Variants in VPS13C observed in about 807,000 individuals in gnomAD.
The protein encoded by VPS13C is intermembrane lipid transfer protein VPS13C.
A neutral mutation model predicts 456.8 loss-of-function variants in VPS13C; 358 were observed. That is an observed-to-expected ratio of 0.78 (90% confidence interval 0.72 to 0.86). VPS13C has a LOEUF of 0.86. VPS13C is among the 40% of genes least tolerant of loss of function. The pLI is 0.00. For missense variants in VPS13C, 4,818 were observed against 4,385.4 expected (o/e 1.10, Z -2.79); for synonymous variants, 1,578 against 1,486.7 (o/e 1.06, Z -1.41).
chr15:62,002,281 AT>A (rs1468049092), intron 15 of VPS13C, among the ~76,000 whole-genome samples: 1 of 152,070 alleles, frequency 6.6e-6, no homozygotes, highest in Non-Finnish European at 1.5e-5. Flanking sequence ...GATGGTGAGC[AT>A]TTTTTCATGT....
intron 69 of VPS13C, 35 bp downstream of exon 69, chr15:61,882,561 G>A (rs1184075183): frequency 2.1e-6 from 3 of 1,455,092 alleles, no homozygotes; most frequent in Middle Eastern, 2.1e-4. Context: ...TTCCCAAAGT[G>A]ATGATAAATA....
rs1198684597 is a variant in VPS13C at position 61,949,528 on chromosome 15, A to G, written c.4674T>C (p.Ala1558=). 1.9e-6 allele frequency: 3 copies of G among 1,613,590 alleles called. No individual in the cohort carries two copies. Among genetic ancestry groups the G allele is most frequent in the South Asian group, 1.1e-5 (1 of 90,890 alleles). ...LSFMDFLSSA[A]PFSEPSSSEK... ...CAGAAGAGGAAGGCTCAGAGAATGG[A>G]GCAGCAGATGATAAAAAATCCATGA... The change falls in exon 42 of 85, where the codon GCT becomes GCC. Residue 1558 remains alanine (A), a synonymous_variant. Transcript: ENST00000644861.
intron 1 of VPS13C, among the ~76,000 whole-genome samples, chr15:62,050,216 C>T (rs984641049): frequency 3.3e-5 from 5 of 152,294 alleles, no homozygotes; most frequent in African/African-American, 1.2e-4. Context: ...CTTAACTCTG[C>T]CAGCAAGGAA....
intron 1 of VPS13C, 133 bp downstream of exon 1, chr15:62,060,142 T>C (rs1043380963): frequency 2.2e-6 from 1 of 453,858 alleles, no homozygotes; most frequent in Non-Finnish European, 4.0e-6. Context: ...GGCTCCCGCA[T>C]CTAGCACCTG....
At chr15:61,868,623 T>G (rs750713996) in intron 81 of VPS13C, 36 bp downstream of exon 81, 1 of 1,579,120 alleles carries the variant, frequency 6.3e-7, no homozygotes, top group Non-Finnish European at 8.7e-7. Flanking sequence ...TCATTAAAAT[T>G]CCATTTCACT....
chr15:61,931,925 T>G (rs2044073162), intron 49 of VPS13C, among the ~76,000 whole-genome samples: 1 of 152,060 alleles, frequency 6.6e-6, no homozygotes, highest in Admixed American at 6.6e-5. Flanking sequence ...AAAACAGTGA[T>G]AAGATTTATG....
chr15:61,878,765 T>A lies in VPS13C; in HGVS notation c.10003-19A>T. On this transcript the variant is annotated intron_variant, in intron 73 of 84. Coordinates refer to ENST00000644861, the MANE Select transcript of VPS13C (RefSeq NM_020821.3). ...AATGCAACTAAAAGAAAAATAATGT[T>A]CAATAAATGAAAGCTAAAAGTGAAA... The A allele has an allele frequency of 6.3e-7, 1 of 1,592,402 alleles. No homozygotes were observed. The highest frequency in any genetic ancestry group is 8.5e-7 in the Non-Finnish European group (1 of 1,170,710).
At chr15:62,010,269 C>T (rs750686307) in intron 13 of VPS13C, among the ~76,000 whole-genome samples, 26 of 152,038 alleles carry the variant, frequency 1.7e-4, no homozygotes, top group Non-Finnish European at 2.8e-4. Flanking sequence ...TGATTCTCCA[C>T]ACTTTAGGAA....
At chr15:61,975,571 C>T (rs748711327) in intron 24 of VPS13C, among the ~76,000 whole-genome samples, 12 of 152,030 alleles carry the variant, frequency 7.9e-5, no homozygotes, top group Non-Finnish European at 1.6e-4. Flanking sequence ...TTGGAACATA[C>T]AGATCATACA....
intron 9 of VPS13C, among the ~76,000 whole-genome samples, chr15:62,017,509 G>T (rs1311954725): frequency 1.3e-5 from 2 of 152,178 alleles, no homozygotes; most frequent in African/African-American, 4.8e-5. Flanking sequence ...CATATGGCTA[G>T]CCAGTTTTCC....
chr15:62,007,771 C>A (rs148577391), intron 14 of VPS13C, among the ~76,000 whole-genome samples: 1 of 152,058 alleles, frequency 6.6e-6, no homozygotes, highest in Admixed American at 6.6e-5. Flanking sequence ...GACTGATAAG[C>A]GATAAAACTT....
In VPS13C at chr15:61,919,395, C is replaced by T. The variant is rs377262260; in HGVS notation, c.7532G>A (p.Arg2511Gln). 20 of 1,601,972 alleles carry T rather than the reference C, an allele frequency of 1.2e-5. No individual in the cohort carries two copies. Among genetic ancestry groups the T allele is most frequent in the Non-Finnish European group, 1.7e-5 (20 of 1,174,952 alleles). ...ANIPVARPGR[R>Q]LYNVRNPNAS... ...ATTGGGATTCCGTACATTATACAAT[C>T]GCCGTCCAGGTCTGGCCACAGGGAT... Residue 2511 changes from arginine to glutamine, a missense_variant, in exon 58 of 85, where the codon CGA becomes CAA. Coordinates refer to ENST00000644861, the MANE Select transcript of VPS13C (RefSeq NM_020821.3).
In VPS13C at chr15:61,911,679, T is replaced by C. The variant is rs78579533; in HGVS notation, c.8715+161A>G. 6.7e-3 allele frequency among the ~76,000 whole-genome samples: 1,016 copies of C among 152,306 alleles called. 7 individuals carry two copies. Among genetic ancestry groups the C allele is most frequent in the Non-Finnish European group, 0.011 (742 of 68,020 alleles). On this transcript the variant is annotated intron_variant, in intron 63 of 84. Transcript: ENST00000644861. ...TAGTGTATTATCAAAACTTTTCTCC[T>C]TTTTTTAAAAATATAGTAAGAGAAA...
At chr15:62,035,557 C>G (rs1054491980) in intron 3 of VPS13C, among the ~76,000 whole-genome samples, 2 of 151,720 alleles carry the variant, frequency 1.3e-5, no homozygotes, top group Non-Finnish European at 2.9e-5. Context: ...GCACAAGCTA[C>G]CAGGAATTGA....
Position 61,881,876 on chromosome 15 carries a change from T to C in VPS13C, c.9625-48A>G, listed in dbSNP as rs193176985. 479 of 1,505,516 alleles carry C rather than the reference T, an allele frequency of 3.2e-4. 1 individual carries two copies. The highest frequency in any genetic ancestry group is 4.2e-4 in the Admixed American group (18 of 43,010). The allele number at this position is 1,505,516 out of a possible 1,614,324, so 93.3% of individuals were successfully genotyped here. A position where few individuals can be genotyped will look rare whatever the true frequency, so the allele number is the denominator to read the frequency against. On this transcript the variant is annotated intron_variant, in intron 69 of 84. Transcript: ENST00000644861. ...TATCAAGATTTCAAATAATTTAAAC[T>C]TTTAGTTTCAAAGATAATGTTATAG...
At chr15:61,898,533 A>G (rs2042901507) in intron 66 of VPS13C, among the ~76,000 whole-genome samples, 1 of 152,200 alleles carries the variant, frequency 6.6e-6, no homozygotes, top group Non-Finnish European at 1.5e-5. Context: ...CAAAGGGATC[A>G]ATTCAACAAG....
At chr15:61,918,802 A>G (rs930292778) in intron 58 of VPS13C, among the ~76,000 whole-genome samples, 8 of 152,130 alleles carry the variant, frequency 5.3e-5, no homozygotes, top group African/African-American at 1.9e-4. Flanking sequence ...AATACACAGA[A>G]AAAGAAAAAT....
At position 61,911,878 on chromosome 15, in the gene VPS13C, T is replaced by C. The variant is rs545094428; in HGVS notation, c.8677A>G (p.Met2893Val). 1.8e-5 allele frequency: 29 copies of C among 1,612,418 alleles called. No homozygotes were observed. The highest frequency in any genetic ancestry group is 1.6e-4 in the East Asian group (7 of 44,768). Residue 2893 changes from methionine to valine, a missense_variant, in exon 63 of 85, where the codon ATG becomes GTG. Met to Val is a conservative substitution (Grantham distance 21). Transcript: ENST00000644861. ...EVGEIASDGSMPTNKWNYIAS... is the reference protein window; with the variant it reads ...EVGEIASDGSVPTNKWNYIAS... ...ATATAGTTCCATTTATTAGTTGGCA[T>C]TGAGCCATCAGATGCAATCTCGCCA...
intron 68 of VPS13C, 103 bp downstream of exon 68, chr15:61,884,024 AG>A (rs1896078696): frequency 3.4e-5 from 35 of 1,017,014 alleles, no homozygotes; most frequent in Non-Finnish European, 4.4e-5. Flanking sequence ...CCAATAAATA[AG>A]TTCATTTCTG....
Sources: gnomAD v4.1 joint callset for allele counts (sites outside exome capture counted in the v4.1 genomes callset) on GRCh38, gnomAD v4.1.1 for gene constraint, MANE v1.5 for transcripts, NCBI Gene and HGNC (gene_info 2026-07-23, HGNC 2026-07-21) for gene names.